MYO10: variants seen among roughly 807,000 people sequenced by gnomAD.
MYO10 encodes unconventional myosin-X.
MYO10 carries 133 observed loss-of-function variants against 257.3 expected under a neutral mutation model. The observed-to-expected ratio is 0.52, with a 90% CI of 0.45 to 0.60. The LOEUF (loss-of-function observed/expected upper bound fraction) is 0.60. MYO10 is among the 20% of genes least tolerant of loss of function. The pLI is 0.00. For missense variants in MYO10, 2,399 were observed against 2,635.7 expected (o/e 0.91, Z 1.97); for synonymous variants, 1,104 against 1,028.6 (o/e 1.07, Z -1.40).
At chr5:16,696,620 G>T (rs1233010480) in intron 26 of MYO10, among the ~76,000 whole-genome samples, 1 of 66,712 alleles carries the variant, frequency 1.5e-5, no homozygotes, top group East Asian at 3.3e-4. Flanking sequence ...CACTTTGGGA[G>T]GCTGAGGCGG....
chr5:16,891,221 G>A (rs1745039521), intron 1 of MYO10, among the ~76,000 whole-genome samples: 1 of 151,602 alleles, frequency 6.6e-6, no homozygotes, highest in East Asian at 2.0e-4. Context: ...CTTGAACTCA[G>A]GAGGCAGAGG....
intron 9 of MYO10, among the ~76,000 whole-genome samples, chr5:16,769,556 T>A (rs1033688984): frequency 2.6e-5 from 4 of 152,204 alleles, no homozygotes; most frequent in Non-Finnish European, 4.4e-5. Flanking sequence ...ACCAGGCTGG[T>A]CTTGAACTCC....
Position 16,781,909 on chromosome 5 carries a change from A to G in MYO10, c.603-80T>C, listed in dbSNP as rs966695448. 9 of 1,511,534 alleles carry G rather than the reference A, an allele frequency of 6.0e-6. No homozygotes were observed. The Admixed American group carries it at 1.8e-4, about 30-fold the overall frequency. The allele number at this position is 1,511,534 out of a possible 1,614,324, so 93.6% of individuals were successfully genotyped here. Reference sequence around the variant, plus strand: ...GCAATAGCACTTCTCACAAATGTCAAAATATACAACTGCAAGAAAAATCTG... The same window carrying G: ...GCAATAGCACTTCTCACAAATGTCAGAATATACAACTGCAAGAAAAATCTG... On this transcript the variant is annotated intron_variant, in intron 5 of 40. Transcript: ENST00000513610.
chr5:16,684,416 G>A (rs968725758), intron 29 of MYO10, among the ~76,000 whole-genome samples: 1 of 152,052 alleles, frequency 6.6e-6, no homozygotes, highest in Non-Finnish European at 1.5e-5. Flanking sequence ...ATAATTTTGT[G>A]TTTTAGTAGA....
At chr5:16,796,429 A>G (rs1007672810) in intron 3 of MYO10, among the ~76,000 whole-genome samples, 1 of 101,422 alleles carries the variant, frequency 9.9e-6, no homozygotes, top group Non-Finnish European at 2.0e-5. Flanking sequence ...AGGAAAAAGA[A>G]AGAAAAGAAA....
intron 18 of MYO10, 84 bp downstream of exon 18, chr5:16,758,034 G>T: frequency 2.0e-6 from 2 of 995,442 alleles, no homozygotes; most frequent in African/African-American, 1.6e-5. Flanking sequence ...TATTCTCATA[G>T]ACTTCACATA....
chr5:16,781,371 C>A (rs887508707), intron 6 of MYO10, among the ~76,000 whole-genome samples: 2 of 152,148 alleles, frequency 1.3e-5, no homozygotes, highest in African/African-American at 2.4e-5. Context: ...TGAGCCACTG[C>A]GCCTGGCCGC....
chr5:16,874,937 C>T (rs2562335), intron 2 of MYO10, among the ~76,000 whole-genome samples: 9,601 of 152,154 alleles, frequency 0.063, 854 homozygotes, highest in African/African-American at 0.2. Context: ...AGAATCATGG[C>T]GGGAGGCAAA....
chr5:16,673,235 G>A (rs763737890), intron 36 of MYO10, among the ~76,000 whole-genome samples: 2 of 150,796 alleles, frequency 1.3e-5, no homozygotes, highest in African/African-American at 2.4e-5. Flanking sequence ...GGGGGTCGGG[G>A]TGGTGGTTAT....
At chr5:16,736,832 A>G (rs183298671) in intron 19 of MYO10, among the ~76,000 whole-genome samples, 1 of 152,330 alleles carries the variant, frequency 6.6e-6, no homozygotes, top group African/African-American at 2.4e-5. Flanking sequence ...TGGCCTTCAT[A>G]ATCCAGCGGG....
chr5:16,804,845 GGTCAAGGCTGT>G (rs1742225474), intron 3 of MYO10, among the ~76,000 whole-genome samples: 1 of 152,130 alleles, frequency 6.6e-6, no homozygotes, highest in East Asian at 1.9e-4. Context: ...AGCCTGGGGA[GGTCAAGGCTGT>G]AGTGAGCCAT....
intron 2 of MYO10, among the ~76,000 whole-genome samples, chr5:16,856,029 A>AAACGAAACAACTGCATTTGG: frequency 6.6e-6 from 1 of 152,174 alleles, no homozygotes; most frequent in Non-Finnish European, 1.5e-5. Flanking sequence ...ACTGCATTTG[A>AAACGAAACAACTGCATTTGG]AACTTCTAAC....
intron 9 of MYO10, among the ~76,000 whole-genome samples, chr5:16,773,851 C>T (rs1270819570): frequency 1.3e-5 from 2 of 152,100 alleles, no homozygotes; most frequent in Non-Finnish European, 2.9e-5. Context: ...GACTTCTTTG[C>T]TTTCTAGTCT....
chr5:16,900,744 G>GTTGTTTTTTTTTT lies in MYO10; in HGVS notation c.22-23038_22-23037insAAAAAAAAAACAA, dbSNP rs1554007452. ...AAAAGTACACACCTCCCTAAATCTTGTTTTTTTTTTTTTGAGACAGAGTCT... is the reference window on the plus strand; with the variant it reads ...AAAAGTACACACCTCCCTAAATCTTGTTGTTTTTTTTTTTTTTTTTTTTTTTGAGACAGAGTCT... On this transcript the variant is annotated intron_variant, in intron 1 of 40. Transcript: ENST00000513610. 3.8e-5 allele frequency among the ~76,000 whole-genome samples: 5 copies of GTTGTTTTTTTTTT among 132,738 alleles called. 1 individual carries two copies. The highest frequency in any genetic ancestry group is 4.7e-4 in the South Asian group (2 of 4,214). The allele number at this position is 132,738 out of a possible 152,430, so 87.1% of individuals were successfully genotyped here. A position where few individuals can be genotyped will look rare whatever the true frequency, so the allele number is the denominator to read the frequency against.
chr5:16,677,416 CTTTTT>C (rs796474728), intron 33 of MYO10, among the ~76,000 whole-genome samples: 1 of 119,376 alleles, frequency 8.4e-6, no homozygotes, highest in Non-Finnish European at 1.7e-5. Context: ...GTAACTTGAC[CTTTTT>C]TTTTTTTTTT....
chr5:16,772,994 G>C (rs1025589283), intron 9 of MYO10, among the ~76,000 whole-genome samples: 5 of 152,296 alleles, frequency 3.3e-5, no homozygotes, highest in Non-Finnish European at 5.9e-5. Context: ...GATCACAGTT[G>C]TGGATAAATG....
In MYO10 at chr5:16,780,748, G is replaced by A; in HGVS notation, c.728-7C>T. 1 of 1,572,632 alleles carries A rather than the reference G, an allele frequency of 6.4e-7. No individual in the cohort carries two copies. Among genetic ancestry groups the A allele is most frequent in the Non-Finnish European group, 8.6e-7 (1 of 1,157,416 alleles). ...CTTACTTTTTCTAATAAATCTTCAT[G>A]TGAAAAGCAATGGCAAGTCAAGGAA... On this transcript the variant is annotated splice_polypyrimidine_tract_variant and splice_region_variant and intron_variant, in intron 6 of 40. Transcript: ENST00000513610.
chr5:16,848,842 C>A (rs1743719221), intron 2 of MYO10, among the ~76,000 whole-genome samples: 3 of 152,150 alleles, frequency 2.0e-5, no homozygotes, highest in Non-Finnish European at 4.4e-5. Flanking sequence ...TTCACAGCAC[C>A]TACATAACCT....
chr5:16,794,697 T>G lies in MYO10; in HGVS notation c.416A>C (p.Glu139Ala). The change falls in exon 4 of 41, where the codon GAG becomes GCG. Residue 139 changes from glutamate to alanine, a missense_variant. Coordinates refer to ENST00000513610, the MANE Select transcript of MYO10 (RefSeq NM_012334.3). ...LPPHIFAIAN[E>A]CYRCLWKRHD... is the part of the protein sequence containing the mutation. ...GCGCTTCCACAGGCAGCGGTAGCAC[T>G]CGTTGGCGATGGCGAAGATGTGCGG... The G allele has an allele frequency of 6.2e-7, 1 of 1,613,562 alleles. No individual in the cohort carries two copies. Among genetic ancestry groups the G allele is most frequent in the Non-Finnish European group, 8.5e-7 (1 of 1,179,726 alleles).
Sources: gnomAD v4.1 joint callset for allele counts (sites outside exome capture counted in the v4.1 genomes callset) on GRCh38, gnomAD v4.1.1 for gene constraint, MANE v1.5 for transcripts, NCBI Gene and HGNC (gene_info 2026-07-23, HGNC 2026-07-21) for gene names.